Variants in IRF8 observed in about 807,000 individuals in gnomAD.
The protein encoded by IRF8 is interferon regulatory factor 8.
IRF8 carries 14 observed loss-of-function variants against 48.7 expected under a neutral mutation model. The observed-to-expected ratio is 0.29, with a 90% confidence interval of 0.19 to 0.45. IRF8 has a LOEUF of 0.45. Among genes scored for constraint, IRF8 ranks in the 20% least tolerant of loss-of-function variants. The probability of loss-of-function intolerance (pLI) is 1.00; values close to 1 mark genes in which losing one functional copy is unlikely to be tolerated. For missense variants in IRF8, 493 were observed against 580.7 expected (o/e 0.85, Z 1.55); for synonymous variants, 278 against 227.3 (o/e 1.22, Z -2.01).
chr16:85,902,537 G>C (rs552978565), intron 1 of IRF8, among the ~76,000 whole-genome samples: 107 of 152,342 alleles, frequency 7.0e-4, no homozygotes, highest in Admixed American at 2.5e-3. Context: ...TTTCCCAGAC[G>C]GCACGGACGC....
intron 6 of IRF8, among the ~76,000 whole-genome samples, chr16:85,916,104 A>G (rs35819447): frequency 0.011 from 1,603 of 152,314 alleles, 14 homozygotes; most frequent in Middle Eastern, 0.017. Flanking sequence ...GTCTGTGTAG[A>G]TAAGCATTTG....
intron 2 of IRF8, among the ~76,000 whole-genome samples, chr16:85,904,663 G>A (rs907364822): frequency 6.6e-6 from 1 of 151,998 alleles, no homozygotes; most frequent in Non-Finnish European, 1.5e-5. Flanking sequence ...CACTTTCGAG[G>A]GGTCCCTTGG....
chr16:85,899,772 G>A (rs1378475130), intron 1 of IRF8, among the ~76,000 whole-genome samples: 1 of 152,212 alleles, frequency 6.6e-6, no homozygotes, highest in East Asian at 1.9e-4. Flanking sequence ...CTTGGCAAGA[G>A]AGTCTGTATA....
Position 85,921,337 on chromosome 16 carries a change from C to A in IRF8, c.*55C>A. 2.6e-6 allele frequency: 4 copies of A among 1,545,242 alleles called. No homozygotes were observed. The highest frequency in any genetic ancestry group is 3.6e-6 in the Non-Finnish European group (4 of 1,124,150). On this transcript the variant is annotated 3_prime_UTR_variant, in exon 9 of 9. Transcript: ENST00000268638. ...GCGTCCTGCATCCATCTCCCTGTTA[C>A]AGTGGCCCGCATCATGATTAAAGAA...
chr16:85,912,314 G>T (rs1448909859), intron 4 of IRF8, among the ~76,000 whole-genome samples: 1 of 152,228 alleles, frequency 6.6e-6, no homozygotes, highest in African/African-American at 2.4e-5. Flanking sequence ...CTTTTCATGG[G>T]TATTACAAGG....
chr16:85,921,481 A>T lies in IRF8; in HGVS notation c.*199A>T. The T allele has an allele frequency of 1.6e-6, 1 of 628,716 alleles. No individual in the cohort carries two copies. The highest frequency in any genetic ancestry group is 1.8e-5 in the South Asian group (1 of 55,126). 38.9% of individuals were successfully genotyped at this position (628,716 alleles called of 1,614,324 possible). On this transcript the variant is annotated 3_prime_UTR_variant, in exon 9 of 9. Coordinates refer to ENST00000268638, the MANE Select transcript of IRF8 (RefSeq NM_002163.4). Reference sequence around the variant, plus strand: ...GCATAGCCCTGCCGAGATGTCGGTGATGGCCTGGATGCTGTAACCACAACC... The same window carrying T: ...GCATAGCCCTGCCGAGATGTCGGTGTTGGCCTGGATGCTGTAACCACAACC...
rs1332497689 is a variant in IRF8 at position 85,918,714 on chromosome 16, G to A, written c.899G>A (p.Ser300Asn). Residue 300 changes from serine (S) to asparagine (N), a missense_variant, in exon 7 of 9, where the codon AGC (serine) becomes AAC (asparagine). By Grantham distance (46) the Ser-to-Asn change is conservative. Coordinates refer to ENST00000268638, the MANE Select transcript of IRF8 (RefSeq NM_002163.4). Reference protein sequence around the residue: ...KRLCQGRVFCSGNAVVCKGRP... With the variant: ...KRLCQGRVFCNGNAVVCKGRP... ...CTGTGCCAGGGCCGCGTGTTCTGCAGCGGCAACGCCGTGGTGTGCAAAGGC... is the reference window on the plus strand; with the variant it reads ...CTGTGCCAGGGCCGCGTGTTCTGCAACGGCAACGCCGTGGTGTGCAAAGGC... 1.2e-6 allele frequency: 2 copies of A among 1,612,642 alleles called. No individual in the cohort carries two copies. The highest frequency in any genetic ancestry group is 1.1e-5 in the South Asian group (1 of 91,082).
intron 6 of IRF8, among the ~76,000 whole-genome samples, chr16:85,914,990 C>T (rs1347267382): frequency 6.6e-6 from 1 of 152,230 alleles, no homozygotes. Context: ...GACAGGCCAG[C>T]GTCTGTCCCA....
At chr16:85,904,905 G>A (rs772654171) in intron 2 of IRF8, among the ~76,000 whole-genome samples, 2 of 145,926 alleles carry the variant, frequency 1.4e-5, no homozygotes, top group East Asian at 2.0e-4. Flanking sequence ...CCATTCAGTC[G>A]GTTGGGAACT....
intron 4 of IRF8, 64 bp downstream of exon 4, chr16:85,911,722 G>C (rs1019121297): frequency 1.4e-6 from 2 of 1,408,822 alleles, no homozygotes; most frequent in African/African-American, 2.8e-5. Context: ...CTTCTGGCAG[G>C]GAGGGGCACC....
chr16:85,903,274 C>G (rs1402043141), intron 2 of IRF8, 85 bp downstream of exon 2: 1 of 1,268,958 alleles, frequency 7.9e-7, no homozygotes, highest in Non-Finnish European at 1.1e-6. Context: ...TGACATCTTT[C>G]TCATTTACTT....
chr16:85,920,043 G>T, intron 7 of IRF8, 66 bp from the exon 8 acceptor site: 2 of 1,151,794 alleles, frequency 1.7e-6, no homozygotes, highest in African/African-American at 1.5e-5. Flanking sequence ...CCCCAGCCCT[G>T]CTGCTGCGGG....
intron 3 of IRF8, chr16:85,909,424 C>T (rs944985031): frequency 7.7e-6 from 4 of 520,768 alleles, no homozygotes; most frequent in Non-Finnish European, 1.4e-5. Context: ...TGTAGGGCCT[C>T]CCTGGACAGG....
rs752738851 is a variant in IRF8, at chr16:85,911,566, G to A, written c.359-4G>A. The A allele has an allele frequency of 5.0e-6, 8 of 1,613,752 alleles. No homozygotes were observed. Among genetic ancestry groups the A allele is most frequent in the South Asian group, 4.4e-5 (4 of 91,070 alleles). On this transcript the variant is annotated splice_region_variant and splice_polypyrimidine_tract_variant and intron_variant, in intron 3 of 8. Transcript: ENST00000268638. ...TGTCATGGTGTTTGTCTGGTTTTCTGTAGGCAAACTAGGCGTGGCAACTGC... is the reference window on the plus strand; with the variant it reads ...TGTCATGGTGTTTGTCTGGTTTTCTATAGGCAAACTAGGCGTGGCAACTGC...
Position 85,921,332 on chromosome 16 carries a change from T to G in IRF8, c.*50T>G. 6.4e-7 allele frequency: 1 copy of G among 1,569,708 alleles called. No homozygotes were observed. The highest frequency in any genetic ancestry group is 8.7e-7 in the Non-Finnish European group (1 of 1,145,300). ...CGTCTGCGTCCTGCATCCATCTCCC[T>G]GTTACAGTGGCCCGCATCATGATTA... On this transcript the variant is annotated 3_prime_UTR_variant, in exon 9 of 9. Transcript: ENST00000268638.
rs888793387 is a variant in IRF8 at position 85,920,967 on chromosome 16, C to T, written c.1105-139C>T. 2.0e-5 allele frequency: 17 copies of T among 871,488 alleles called. No homozygotes were observed. The Admixed American group carries it at 2.4e-4, about 12-fold the overall frequency. The allele number at this position is 871,488 out of a possible 1,614,324, so 54.0% of individuals were successfully genotyped here. On this transcript the variant is annotated intron_variant, in intron 8 of 8. Transcript: ENST00000268638. Reference sequence around the variant, plus strand: ...AGTTTTGGCAGGAGTACTGCTTGCCCTTCCTTGGCATTCTGGCTCATTCAC... The same window carrying T: ...AGTTTTGGCAGGAGTACTGCTTGCCTTTCCTTGGCATTCTGGCTCATTCAC...
chr16:85,914,263 C>G (rs1390761345), intron 5 of IRF8: 1 of 618,412 alleles, frequency 1.6e-6, no homozygotes, highest in Non-Finnish European at 2.9e-6. Flanking sequence ...GTCCCCCCGA[C>G]TTGCCACTCT....
intron 5 of IRF8, 21 bp from the exon 6 acceptor site, chr16:85,914,452 G>T (rs1330400179): frequency 6.2e-7 from 1 of 1,614,142 alleles, no homozygotes; most frequent in Non-Finnish European, 8.5e-7. Flanking sequence ...CTCTGAGCTT[G>T]CTTTTCTGTT....
At chr16:85,912,824 C>T (rs926546562) in intron 4 of IRF8, among the ~76,000 whole-genome samples, 4 of 152,140 alleles carry the variant, frequency 2.6e-5, no homozygotes, top group Non-Finnish European at 5.9e-5. Flanking sequence ...GTGTCCAGGG[C>T]GTTGAGGGCA....
Sources: allele counts gnomAD v4.1 joint callset (sites outside exome capture counted in the v4.1 genomes callset), GRCh38; gene constraint gnomAD v4.1.1; transcripts MANE v1.5; gene names NCBI Gene and HGNC (gene_info 2026-07-23, HGNC 2026-07-21).